Variants in FH observed in about 807,000 individuals in gnomAD.
The protein encoded by FH is fumarate hydratase, mitochondrial.
FH carries 22 observed loss-of-function variants against 49.4 expected under a neutral mutation model. The observed-to-expected ratio is 0.45, with a 90% CI of 0.32 to 0.64. The LOEUF is 0.64. FH is among the 30% of genes least tolerant of loss of function. The pLI, the probability that FH is intolerant of heterozygous loss-of-function variation, is 0.05. For missense variants in FH, 526 were observed against 641.5 expected (o/e 0.82, Z 1.95); for synonymous variants, 208 against 223.0 (o/e 0.93, Z 0.60).
At chr1:241,499,891 CTT>C (rs1252037267) in intron 9 of FH, among the ~76,000 whole-genome samples, 2 of 152,164 alleles carry the variant, frequency 1.3e-5, no homozygotes, top group Non-Finnish European at 2.9e-5. Flanking sequence ...CCAAAAAAGA[CTT>C]ATAATACAAT....
At position 241,519,719 on chromosome 1, in the gene FH, A is replaced by T. The variant is rs112335468; in HGVS notation, c.4T>A (p.Tyr2Asn). 1 of 1,543,388 alleles carries T rather than the reference A, an allele frequency of 6.5e-7. No individual in the cohort carries two copies. The highest frequency in any genetic ancestry group is 8.7e-7 in the Non-Finnish European group (1 of 1,143,238). Reference protein sequence around the residue: MYRALRLLARSR... With the variant: MNRALRLLARSR... ...CGCGCGAGGAGCCGAAGTGCTCGGT[A>T]CATGGTGCTGAGGGAGCTTGGGTAG... Residue 2 changes from tyrosine to asparagine, a missense_variant, in exon 1 of 10, where the codon TAC becomes AAC. By Grantham distance (143) the Tyr-to-Asn change is moderately radical. This residue lies in a region of FH where 143 missense variants were observed against 127.5 expected (regional missense o/e 1.12). Transcript: ENST00000366560.
chr1:241,498,755 A>T (rs1659693504), intron 9 of FH, among the ~76,000 whole-genome samples: 1 of 130,180 alleles, frequency 7.7e-6, no homozygotes. Context: ...CAAGAAGAAA[A>T]AGCAGGAATG....
intron 1 of FH, among the ~76,000 whole-genome samples, chr1:241,518,304 C>T (rs1660272800): frequency 6.6e-6 from 1 of 152,224 alleles, no homozygotes; most frequent in Non-Finnish European, 1.5e-5. Context: ...AGTAGTGCTG[C>T]TATTTTTTGA....
At chr1:241,505,856 C>T in intron 6 of FH, 147 bp downstream of exon 6, 1 of 792,906 alleles carries the variant, frequency 1.3e-6, no homozygotes, top group East Asian at 2.7e-5. Context: ...ATTATAACTT[C>T]AGAAATATAC....
At chr1:241,513,477 C>A in intron 3 of FH, 126 bp downstream of exon 3, 1 of 801,382 alleles carries the variant, frequency 1.2e-6, no homozygotes, top group Non-Finnish European at 2.2e-6. Context: ...ATAATGCTAC[C>A]ACCCTCCCCT....
intron 3 of FH, 23 bp from the exon 4 acceptor site, chr1:241,512,166 G>A (rs1660104898): frequency 1.2e-6 from 2 of 1,603,658 alleles, no homozygotes; most frequent in Non-Finnish European, 1.7e-6. Flanking sequence ...TGTTAAAAAT[G>A]TATTTTAAAA....
rs1659995971 is a variant in FH at position 241,508,722 on chromosome 1, G to A, written c.619C>T (p.Leu207=). The change falls in exon 5 of 10, where the codon CTG becomes TTG. Residue 207 remains leucine, a synonymous_variant. Transcript: ENST00000366560. ...TGTAACTTCTGTAGTCCTGGTAACA[G>A]TACTTCATGAACTTCTATTGCAGCA... The part of the protein sequence containing the change: ...IAAAIEVHEV[L]LPGLQKLHDA... The A allele has an allele frequency of 1.9e-6, 3 of 1,613,640 alleles. No homozygotes were observed. The highest frequency in any genetic ancestry group is 1.7e-6 in the Non-Finnish European group (2 of 1,179,616).
intron 4 of FH, among the ~76,000 whole-genome samples, chr1:241,511,329 A>G (rs1660077942): frequency 2.0e-5 from 3 of 152,240 alleles, no homozygotes; most frequent in Admixed American, 2.0e-4. Flanking sequence ...TCGGACTTCT[A>G]GCTGCCAGAA....
intron 5 of FH, 115 bp downstream of exon 5, chr1:241,508,488 T>C (rs1659984900): frequency 1.2e-5 from 10 of 813,676 alleles, no homozygotes; most frequent in South Asian, 7.0e-5. Flanking sequence ...ACAACCTCTG[T>C]CACTGAAGTT....
chr1:241,501,315 C>T (rs1244782916), intron 8 of FH, among the ~76,000 whole-genome samples: 5 of 152,132 alleles, frequency 3.3e-5, no homozygotes, highest in Non-Finnish European at 5.9e-5. Flanking sequence ...TAATTTGCTA[C>T]TAATGACCTT....
At chr1:241,504,272 G>A in intron 6 of FH, 27 bp from the exon 7 acceptor site, 1 of 1,590,168 alleles carries the variant, frequency 6.3e-7, no homozygotes, top group South Asian at 1.1e-5. Context: ...TATCCTAGAT[G>A]GGTGAACAAG....
intron 1 of FH, among the ~76,000 whole-genome samples, 155 bp from the exon 2 acceptor site, chr1:241,517,471 G>C (rs1375928890): frequency 6.6e-6 from 1 of 152,080 alleles, no homozygotes; most frequent in Non-Finnish European, 1.5e-5. Flanking sequence ...CTCACTTTCA[G>C]GTCTTTCCTT....
chr1:241,516,108 A>T (rs1660204204), intron 2 of FH, among the ~76,000 whole-genome samples: 1 of 152,210 alleles, frequency 6.6e-6, no homozygotes, highest in Admixed American at 6.5e-5. Context: ...TAGTGGGGGA[A>T]AAAAGAATGA....
At chr1:241,508,226 C>T (rs1366791625) in intron 5 of FH, among the ~76,000 whole-genome samples, 1 of 152,158 alleles carries the variant, frequency 6.6e-6, no homozygotes, top group Non-Finnish European at 1.5e-5. Context: ...AGGCATGCTT[C>T]TAAGCACTCT....
rs1227501362 is a variant in FH at position 241,503,906 on chromosome 1, A to G, written c.1108+136T>C. ...GCCCAGCAGTCCTGACCAGAGGACC[A>G]CAGACATGCTGGAACAGTGCGCCTT... is the stretch of plus-strand genomic sequence containing the variant. On this transcript the variant is annotated intron_variant, in intron 7 of 9. Transcript: ENST00000366560. 3 of 911,850 alleles carry G rather than the reference A, an allele frequency of 3.3e-6. No individual in the cohort carries two copies. The African/African-American group carries it at 4.9e-5, about 15-fold the overall frequency. The allele number at this position is 911,850 out of a possible 1,614,324, so 56.5% of individuals were successfully genotyped here.
At position 241,498,540 on chromosome 1, in the gene FH, C is replaced by T. The variant is rs1006452095; in HGVS notation, c.1391-570G>A. 2.1e-4 allele frequency among the ~76,000 whole-genome samples: 32 copies of T among 151,348 alleles called. 1 individual carries two copies. The highest frequency in any genetic ancestry group is 7.4e-5 in the Non-Finnish European group (5 of 67,870). ...TCTCCACTGCAATGGCTTCTATACCCTGGCCTCCTCCCAGACATTACAGGG... is the reference window on the plus strand; with the variant it reads ...TCTCCACTGCAATGGCTTCTATACCTTGGCCTCCTCCCAGACATTACAGGG... On this transcript the variant is annotated intron_variant, in intron 9 of 9. Coordinates refer to ENST00000366560, the MANE Select transcript of FH (RefSeq NM_000143.4).
Position 241,497,739 on chromosome 1 carries a change from T to C in FH, c.*89A>G, listed in dbSNP as rs1433148544. On this transcript the variant is annotated 3_prime_UTR_variant, in exon 10 of 10. Transcript: ENST00000366560. ...TAGAGATGCTTAAGTTCAATAGCAG[T>C]TTCCTTTCAAACTTATCCGTTTTTA... 2 of 1,252,658 alleles carry C rather than the reference T, an allele frequency of 1.6e-6. No individual in the cohort carries two copies. The highest frequency in any genetic ancestry group is 1.5e-5 in the African/African-American group (1 of 66,696). The allele number at this position is 1,252,658 out of a possible 1,614,324, so 77.6% of individuals were successfully genotyped here. A position where few individuals can be genotyped will look rare whatever the true frequency, so the allele number is the denominator to read the frequency against.
chr1:241,504,284 T>G (rs200809528), intron 6 of FH, 39 bp from the exon 7 acceptor site: 2 of 1,565,472 alleles, frequency 1.3e-6, no homozygotes, highest in African/African-American at 2.7e-5. Flanking sequence ...GTGAACAAGT[T>G]AAACTAAACA....
chr1:241,498,001 G>A (rs2147911412), intron 9 of FH, 31 bp from the exon 10 acceptor site: 1 of 1,612,752 alleles, frequency 6.2e-7, no homozygotes, highest in Non-Finnish European at 8.5e-7. Context: ...CGACATATGG[G>A]TTAGCAGTGA....
Sources: allele counts gnomAD v4.1 joint callset (sites outside exome capture counted in the v4.1 genomes callset), GRCh38; gene constraint gnomAD v4.1.1; regional missense constraint gnomAD v4.1.1; transcripts MANE v1.5; gene names NCBI Gene and HGNC (gene_info 2026-07-23, HGNC 2026-07-21).